OSER1: variants seen among roughly 807,000 people sequenced by gnomAD.
OSER1 encodes oxidative stress responsive serine rich 1, also known as oxidative stress-responsive serine-rich protein 1.
Under a neutral mutation model 26.3 loss-of-function variants are expected in OSER1, and 15 were observed. The ratio of observed to expected loss-of-function variants is 0.57; its 90% confidence interval spans 0.38 to 0.88. The LOEUF is 0.88. Ranked by LOEUF, OSER1 falls within the 40% of genes least tolerant of loss-of-function variation. The pLI is 0.00. For synonymous variants in OSER1, 127 were observed against 128.2 expected (o/e 0.99, Z 0.07); for missense variants, 313 against 353.9 (o/e 0.88, Z 0.93).
At chr20:44,209,788 G>A (rs950259979) in intron 1 of OSER1, among the ~76,000 whole-genome samples, 4 of 152,070 alleles carry the variant, frequency 2.6e-5, no homozygotes, top group Non-Finnish European at 4.4e-5. Context: ...AGACCTCCTT[G>A]AATCCCAAGC....
At chr20:44,211,363 G>A (rs1488198565), upstream of OSER1, 1 of 152,248 alleles carries the variant, frequency 6.6e-6, no homozygotes, top group African/African-American at 2.4e-5. Context: ...AGAGGTATTG[G>A]ACGTGGCCAG....
chr20:44,197,331 T>C lies in OSER1; in HGVS notation c.600A>G (p.Ile200Met). Residue 200 changes from isoleucine to methionine, a missense_variant, in exon 4 of 4, where the codon ATA (isoleucine) becomes ATG (methionine). This residue lies in a region of OSER1 where 300 missense variants were observed against 318.3 expected (regional missense o/e 0.94). Coordinates refer to ENST00000255174, the MANE Select transcript of OSER1 (RefSeq NM_016470.8). ...ATCTCTTACACTGGCATTCCTTGCC[T>C]ATGCATGTGCATGGCTTGCCCTGGT... is the stretch of plus-strand genomic sequence containing the variant. The part of the protein sequence containing the change: ...KLNQGKPCTC[I>M]GKECQCKRWH... The C allele has an allele frequency of 6.2e-7, 1 of 1,614,196 alleles. No individual in the cohort carries two copies. Among genetic ancestry groups the C allele is most frequent in the Non-Finnish European group, 8.5e-7 (1 of 1,179,962 alleles).
intron 1 of OSER1, among the ~76,000 whole-genome samples, chr20:44,210,320 G>A (rs2073088125): frequency 6.6e-6 from 1 of 152,320 alleles, no homozygotes; most frequent in Non-Finnish European, 1.5e-5. Context: ...AAAGGAGTGG[G>A]GCCGAAGAGG....
intron 3 of OSER1, among the ~76,000 whole-genome samples, chr20:44,202,564 A>G (rs1483916069): frequency 6.6e-6 from 1 of 152,244 alleles, no homozygotes; most frequent in African/African-American, 2.4e-5. Context: ...AGATACATAA[A>G]GCAAAAACAT....
At chr20:44,209,190 T>C (rs1600499863) in intron 1 of OSER1, among the ~76,000 whole-genome samples, 1 of 152,238 alleles carries the variant, frequency 6.6e-6, no homozygotes, top group African/African-American at 2.4e-5. Context: ...TACATTCCTG[T>C]TGACACACTA....
At chr20:44,198,346 G>A (rs373851125) in intron 3 of OSER1, among the ~76,000 whole-genome samples, 5 of 152,166 alleles carry the variant, frequency 3.3e-5, no homozygotes, top group East Asian at 1.9e-4. Context: ...ATAGCCAGGC[G>A]CGGTGGCTCA....
intron 1 of OSER1, among the ~76,000 whole-genome samples, chr20:44,208,828 A>G (rs554722189): frequency 5.3e-5 from 8 of 152,232 alleles, no homozygotes; most frequent in African/African-American, 1.9e-4. Flanking sequence ...ATCTGAGCCA[A>G]TCTCCCCAAC....
rs772340544 is a variant in OSER1, at chr20:44,197,450, T to C, written c.481A>G (p.Ser161Gly). The change falls in exon 4 of 4, where the codon AGT (serine) becomes GGT (glycine). Residue 161 changes from serine to glycine, a missense_variant. Physicochemically the swap from Ser to Gly is moderately conservative, Grantham distance 56 (BLOSUM62 0). Transcript: ENST00000255174. ...RTSVPRLPSE[S>G]KKEDSSDATQ... ...GCGTCAGAGGAGTCTTCCTTCTTACTCTCTGATGGGAGCCTTGGAACAGAA... is the reference window on the plus strand; with the variant it reads ...GCGTCAGAGGAGTCTTCCTTCTTACCCTCTGATGGGAGCCTTGGAACAGAA... The C allele has an allele frequency of 1.4e-5, 23 of 1,614,202 alleles. No individual in the cohort carries two copies. In the South Asian group the frequency reaches 2.4e-4, roughly 17 times the overall value.
At chr20:44,207,725 AG>A (rs1416461116) in intron 1 of OSER1, 10 of 152,254 alleles carry the variant, frequency 6.6e-5, no homozygotes, top group African/African-American at 2.4e-4. Context: ...TTTAGCCTAA[AG>A]AAAGGTTGAA....
chr20:44,207,034 G>T, intron 1 of OSER1, 36 bp from the exon 2 acceptor site: 2 of 1,053,528 alleles, frequency 1.9e-6, no homozygotes, highest in East Asian at 2.5e-5. Flanking sequence ...AGTAAAAACA[G>T]GTGGGATCAA....
intron 3 of OSER1, among the ~76,000 whole-genome samples, chr20:44,198,685 T>C (rs182014027): frequency 1.6e-3 from 246 of 152,100 alleles, no homozygotes; most frequent in Non-Finnish European, 3.0e-3. Context: ...AAAGAAAAGA[T>C]ACTCAAAACT....
At position 44,197,228 on chromosome 20, in the gene OSER1, C is replaced by T; in HGVS notation, c.703G>A (p.Glu235Lys). ...GCGTGCAGCGACTGAGAGTAGTCCT[C>T]AAGTGTGGATCTTCGTTCTGGAGCC... ...PLAPERRSTL[E>K]DYSQSLHART... Residue 235 changes from glutamate to lysine, a missense_variant, in exon 4 of 4, where the codon GAG becomes AAG. Transcript: ENST00000255174. 1 of 1,614,202 alleles carries T rather than the reference C, an allele frequency of 6.2e-7. No individual in the cohort carries two copies. The highest frequency in any genetic ancestry group is 1.1e-5 in the South Asian group (1 of 91,084).
At chr20:44,199,116 C>T in intron 3 of OSER1, among the ~76,000 whole-genome samples, 1 of 152,270 alleles carries the variant, frequency 6.6e-6, no homozygotes, top group South Asian at 2.1e-4. Flanking sequence ...TTGGGTATAC[C>T]AAGAAAAGCC....
intron 3 of OSER1, 50 bp from the exon 4 acceptor site, chr20:44,197,789 C>T (rs2072937547): frequency 1.6e-6 from 2 of 1,239,624 alleles, no homozygotes. Context: ...TGGAGCTGTC[C>T]TAAACAGATT....
intron 2 of OSER1, among the ~76,000 whole-genome samples, chr20:44,206,675 A>G (rs1442302100): frequency 6.6e-6 from 1 of 152,202 alleles, no homozygotes; most frequent in Non-Finnish European, 1.5e-5. Context: ...GGGCAAATGA[A>G]CTGCTACTTT....
In OSER1 at chr20:44,197,390, C is replaced by T. The variant is rs1482067647; in HGVS notation, c.541G>A (p.Asp181Asn). The T allele has an allele frequency of 2.5e-6, 4 of 1,614,220 alleles. No individual in the cohort carries two copies. The highest frequency in any genetic ancestry group is 2.5e-6 in the Non-Finnish European group (3 of 1,180,012). ...GAAACTGATTGAAAGTCAGAGAGAT[C>T]ACTGGCTTTGAGACTTGCTTGGGGG... is the stretch of plus-strand genomic sequence containing the variant. ...QVPQASLKAS[D>N]LSDFQSVSKL... The change falls in exon 4 of 4, where the codon GAT becomes AAT. Residue 181 changes from aspartate (D) to asparagine (N), a missense_variant. By Grantham distance (23) the Asp-to-Asn change is conservative. Transcript: ENST00000255174.
At position 44,196,793 on chromosome 20, in the gene OSER1, T is replaced by C. The variant is rs1569233555; in HGVS notation, c.*259A>G. 29 of 388,564 alleles carry C rather than the reference T, an allele frequency of 7.5e-5. 2 individuals carry two copies. In the South Asian group the frequency reaches 1.3e-3, roughly 18 times the overall value. 24.1% of individuals were successfully genotyped at this position (388,564 alleles called of 1,614,324 possible). A position where few individuals can be genotyped will look rare whatever the true frequency, so the allele number is the denominator to read the frequency against. On this transcript the variant is annotated 3_prime_UTR_variant, in exon 4 of 4. Transcript: ENST00000255174. ...CACTGCTGCCAGTCTCAAGTAATTA[T>C]GGTTTCTTCATCCCCCAGGAACATT...
intron 2 of OSER1, among the ~76,000 whole-genome samples, chr20:44,204,680 A>G (rs1010249419): frequency 1.3e-5 from 2 of 152,152 alleles, no homozygotes; most frequent in Non-Finnish European, 2.9e-5. Context: ...AGCGGTGTCT[A>G]TTGTTCCCAT....
At chr20:44,209,333 G>A (rs904520940) in intron 1 of OSER1, among the ~76,000 whole-genome samples, 1 of 152,162 alleles carries the variant, frequency 6.6e-6, no homozygotes, top group South Asian at 2.1e-4. Context: ...TTTTTTCTCA[G>A]TTATTTTAGC....
Sources: gnomAD v4.1 joint callset for allele counts (sites outside exome capture counted in the v4.1 genomes callset) on GRCh38, gnomAD v4.1.1 for gene constraint, gnomAD v4.1.1 regional missense constraint, MANE v1.5 for transcripts, NCBI Gene and HGNC (gene_info 2026-07-23, HGNC 2026-07-21) for gene names.